The following ZMYM2 variants were observed in gnomAD, a reference collection of about 807,000 sequenced individuals.
ZMYM2 encodes the protein zinc finger MYM-type protein 2.
A neutral mutation model predicts 162.8 loss-of-function variants in ZMYM2; 56 were observed. That is an observed-to-expected ratio of 0.34 (90% CI 0.28 to 0.43). The LOEUF is 0.43. ZMYM2 is among the 20% of genes least tolerant of loss of function. The pLI is 1.00. For synonymous variants in ZMYM2, 510 were observed against 541.6 expected (o/e 0.94, Z 0.81); for missense variants, 1,275 against 1,621.8 (o/e 0.79, Z 3.67).
chr13:19,918,972 A>G, the ZMYM2 span, among the ~76,000 whole-genome samples: 1 of 152,076 alleles, frequency 6.6e-6, no homozygotes, highest in South Asian at 2.1e-4. Flanking sequence ...CTGTTCTATC[A>G]CCTCAAAGAT....
At chr13:19,999,898 A>T (rs1243035695) in intron 3 of ZMYM2, among the ~76,000 whole-genome samples, 1 of 152,168 alleles carries the variant, frequency 6.6e-6, no homozygotes, top group Non-Finnish European at 1.5e-5. Flanking sequence ...CACAGGCTCA[A>T]GAGATCCTCC....
chr13:20,077,310 A>G (rs1345067829), intron 21 of ZMYM2, among the ~76,000 whole-genome samples: 2 of 150,516 alleles, frequency 1.3e-5, no homozygotes, highest in African/African-American at 2.5e-5. Context: ...TCCTCTCAAC[A>G]ACTTTACTAT....
At chr13:19,934,275 C>G in the ZMYM2 span, among the ~76,000 whole-genome samples, 1 of 152,182 alleles carries the variant, frequency 6.6e-6, no homozygotes, top group Non-Finnish European at 1.5e-5. Flanking sequence ...ATTCTCCTGC[C>G]TCAGCCTCCT....
chr13:20,034,451 T>C (rs1415057302), intron 11 of ZMYM2, 47 bp downstream of exon 11: 1 of 1,403,810 alleles, frequency 7.1e-7, no homozygotes, highest in Non-Finnish European at 9.3e-7. Flanking sequence ...TGATATTTAA[T>C]GTTTTTTGCC....
intron 3 of ZMYM2, among the ~76,000 whole-genome samples, chr13:20,000,087 C>T (rs941864653): frequency 3.3e-5 from 5 of 152,134 alleles, no homozygotes; most frequent in South Asian, 4.1e-4. Context: ...TGTGAGCCAC[C>T]GTGCCCAGCC....
chr13:19,908,444 A>T, the ZMYM2 span, among the ~76,000 whole-genome samples: 8 of 152,216 alleles, frequency 5.3e-5, no homozygotes, highest in East Asian at 1.5e-3. Context: ...ATAAATGAAG[A>T]TTGCTTGGAT....
intron 12 of ZMYM2, among the ~76,000 whole-genome samples, chr13:20,043,969 C>T (rs1009472009): frequency 6.6e-6 from 1 of 151,990 alleles, no homozygotes; most frequent in African/African-American, 2.4e-5. Context: ...CTAGGACACT[C>T]GAGGCTGACC....
the ZMYM2 span, among the ~76,000 whole-genome samples, chr13:19,939,220 C>T: frequency 6.6e-6 from 1 of 151,780 alleles, no homozygotes; most frequent in Admixed American, 6.6e-5. Flanking sequence ...GACAGGGTTT[C>T]ACCATGTTGC....
intron 2 of ZMYM2, among the ~76,000 whole-genome samples, chr13:19,992,573 A>G (rs1014839899): frequency 2.0e-5 from 3 of 152,164 alleles, no homozygotes; most frequent in Non-Finnish European, 4.4e-5. Context: ...CCACCCCCCA[A>G]AAAAGATGAG....
At position 20,058,587 on chromosome 13, in the gene ZMYM2, C is replaced by T; in HGVS notation, c.2506C>T (p.Pro836Ser). Residue 836 changes from proline (P) to serine (S), a missense_variant, in exon 15 of 25, where the codon CCC becomes TCC. Pro to Ser is a moderately conservative substitution (Grantham distance 74). This residue lies in a region of ZMYM2 where 177 missense variants were observed against 228.0 expected (regional missense o/e 0.78). Transcript: ENST00000610343. ...SRTKMTGSAP[P>S]PSPTPNKEMK... ...TGCTTCTCCATAGGGTTCAGCACCA[C>T]CCCCTTCTCCAACACCTAACAAAGA... The T allele has an allele frequency of 6.2e-7, 1 of 1,613,646 alleles. No homozygotes were observed. The highest frequency in any genetic ancestry group is 8.5e-7 in the Non-Finnish European group (1 of 1,179,698).
chr13:19,916,426 G>A, the ZMYM2 span, among the ~76,000 whole-genome samples: 12 of 152,176 alleles, frequency 7.9e-5, no homozygotes, highest in East Asian at 1.2e-3. Flanking sequence ...TGTTTATTGC[G>A]GCATTATTCA....
chr13:19,989,390 A>G (rs555919700), intron 2 of ZMYM2, among the ~76,000 whole-genome samples: 13 of 152,206 alleles, frequency 8.5e-5, no homozygotes, highest in African/African-American at 3.1e-4. Flanking sequence ...TGCAACCTCC[A>G]TGTCCCAGGT....
chr13:19,917,263 G>A, the ZMYM2 span, among the ~76,000 whole-genome samples: 2 of 151,974 alleles, frequency 1.3e-5, no homozygotes, highest in Non-Finnish European at 2.9e-5. Flanking sequence ...CGCCCGGCTT[G>A]AAGGCTAGAA....
Position 20,082,842 on chromosome 13 carries a change from C to T in ZMYM2, c.3630C>T (p.His1210=). 6.2e-7 allele frequency: 1 copy of T among 1,613,688 alleles called. No homozygotes were observed. ...YLWRIKQLGS[H]SPVALLNTLF... ...GGAGGATAAAACAACTAGGATCACA[C>T]TCTCCAGTAGCTCTTCTGAATACAC... Residue 1210 remains histidine (H), a synonymous_variant, in exon 23 of 25, where the codon CAC becomes CAT. Transcript: ENST00000610343.
intron 19 of ZMYM2, 48 bp downstream of exon 19, chr13:20,064,593 C>T (rs1956528643): frequency 1.4e-6 from 2 of 1,423,286 alleles, no homozygotes; most frequent in African/African-American, 1.4e-5. Flanking sequence ...TATAGGCAAA[C>T]AAGGATACAG....
At chr13:19,866,592 G>A in the ZMYM2 span, among the ~76,000 whole-genome samples, 1 of 152,150 alleles carries the variant, frequency 6.6e-6, no homozygotes, top group Non-Finnish European at 1.5e-5. Flanking sequence ...TTGTACCTGG[G>A]AGGTGGGGTT....
the ZMYM2 span, chr13:19,864,898 C>T: frequency 2.0e-5 from 3 of 152,300 alleles, no homozygotes; most frequent in Non-Finnish European, 4.4e-5. Context: ...TGAACCATTT[C>T]CCGGACTCCA....
chr13:19,984,852 A>G (rs948669305), intron 2 of ZMYM2, among the ~76,000 whole-genome samples: 10 of 152,210 alleles, frequency 6.6e-5, no homozygotes, highest in Admixed American at 2.0e-4. Flanking sequence ...TTTAGGCTAC[A>G]CTATTTTCTT....
chr13:19,881,857 C>T, the ZMYM2 span, among the ~76,000 whole-genome samples: 1 of 151,794 alleles, frequency 6.6e-6, no homozygotes, highest in Non-Finnish European at 1.5e-5. Context: ...GGTTGCACGC[C>T]TGTAATCCCA....
Sources: gnomAD v4.1 joint callset for allele counts (sites outside exome capture counted in the v4.1 genomes callset) on GRCh38, gnomAD v4.1.1 for gene constraint, gnomAD v4.1.1 regional missense constraint, MANE v1.5 for transcripts, NCBI Gene and HGNC (gene_info 2026-07-23, HGNC 2026-07-21) for gene names.